Variants in PLXDC1 observed in about 807,000 individuals in gnomAD.
The protein encoded by PLXDC1 is plexin domain containing 1.
A neutral mutation model predicts 61.3 loss-of-function variants in PLXDC1; 39 were observed. The observed-to-expected ratio is 0.64, with a 90% CI of 0.49 to 0.83. PLXDC1 has a LOEUF of 0.83. Among genes scored for constraint, PLXDC1 ranks in the 40% least tolerant of loss-of-function variants. The pLI is 0.00. For missense variants in PLXDC1, 596 were observed against 666.5 expected (o/e 0.89, Z 1.17); for synonymous variants, 212 against 254.5 (o/e 0.83, Z 1.59).
intron 2 of PLXDC1, among the ~76,000 whole-genome samples, chr17:39,113,426 C>G (rs991343439): frequency 6.6e-6 from 1 of 152,164 alleles, no homozygotes; most frequent in Non-Finnish European, 1.5e-5. Flanking sequence ...TTGGGACAAC[C>G]TGAAATTGTT....
Position 39,063,334 on chromosome 17 carries a change from T to G in PLXDC1, c.*4506A>C. On this transcript the variant is annotated 3_prime_UTR_variant, in exon 14 of 14. Coordinates refer to ENST00000315392, the MANE Select transcript of PLXDC1 (RefSeq NM_020405.5). ...CATAGACTTTCTCAGATTTATTGTA[T>G]GTCCTCAGACAGTAGATAAAAATGC... The G allele has an allele frequency of 1.7e-6, 1 of 599,158 alleles. No individual in the cohort carries two copies. The highest frequency in any genetic ancestry group is 2.0e-5 in the South Asian group (1 of 49,854). 37.1% of individuals were successfully genotyped at this position (599,158 alleles called of 1,614,324 possible).
At chr17:39,104,352 C>A (rs529577920) in intron 7 of PLXDC1, among the ~76,000 whole-genome samples, 19 of 152,184 alleles carry the variant, frequency 1.2e-4, no homozygotes, top group Admixed American at 2.6e-4. Flanking sequence ...GAGCTGAGCC[C>A]CTAACACTCC....
intron 2 of PLXDC1, among the ~76,000 whole-genome samples, chr17:39,122,584 A>G (rs765310797): frequency 4.6e-5 from 7 of 152,066 alleles, no homozygotes; most frequent in Non-Finnish European, 1.0e-4. Context: ...TATAATCCAT[A>G]TTGATGTGCC....
intron 7 of PLXDC1, among the ~76,000 whole-genome samples, chr17:39,103,046 C>T (rs1178974356): frequency 2.6e-5 from 4 of 152,098 alleles, no homozygotes. Flanking sequence ...GAAACCCCAT[C>T]TCTACTAAAA....
At chr17:39,150,282 C>G (rs1174500831) in intron 1 of PLXDC1, among the ~76,000 whole-genome samples, 1 of 152,068 alleles carries the variant, frequency 6.6e-6, no homozygotes, top group Non-Finnish European at 1.5e-5. Flanking sequence ...TCAATAGGGA[C>G]CCAGGTCTGT....
intron 2 of PLXDC1, among the ~76,000 whole-genome samples, chr17:39,128,097 G>GTGTGTGTGTATATATATATATATATA (rs1911379292): frequency 1.5e-5 from 1 of 67,478 alleles, no homozygotes; most frequent in Non-Finnish European, 2.7e-5. Context: ...CTCTCTATGT[G>GTGTGTGTGTATATATATATATATATA]TATATATATA....
intron 1 of PLXDC1, among the ~76,000 whole-genome samples, chr17:39,143,150 T>C (rs1447349398): frequency 6.6e-6 from 1 of 152,088 alleles, no homozygotes; most frequent in African/African-American, 2.4e-5. Context: ...AATAAATAAA[T>C]AAACAACACA....
intron 2 of PLXDC1, among the ~76,000 whole-genome samples, chr17:39,115,162 T>G (rs16492): frequency 0.085 from 12,950 of 152,304 alleles, 698 homozygotes; most frequent in Middle Eastern, 0.2. Flanking sequence ...CTGGACTCAT[T>G]CTTGGAGTTC....
chr17:39,112,771 G>A (rs550066688), intron 2 of PLXDC1, among the ~76,000 whole-genome samples: 7 of 152,214 alleles, frequency 4.6e-5, no homozygotes, highest in Admixed American at 1.3e-4. Context: ...TAGGGGGACT[G>A]GTGCTTTGCA....
chr17:39,088,965 G>C (rs199941976), intron 7 of PLXDC1, among the ~76,000 whole-genome samples: 1 of 85,718 alleles, frequency 1.2e-5, no homozygotes, highest in African/African-American at 3.7e-5. Context: ...AAAAAAAAAA[G>C]AGAGAGAGAG....
chr17:39,103,012 T>C (rs4461103), intron 7 of PLXDC1, among the ~76,000 whole-genome samples: 104,199 of 152,034 alleles, frequency 0.69, 35,831 homozygotes, highest in Non-Finnish European at 0.71. Flanking sequence ...GTCAGGAGAT[T>C]GAGACCATCC....
chr17:39,089,743 C>G (rs780514157), intron 7 of PLXDC1, among the ~76,000 whole-genome samples: 4 of 152,164 alleles, frequency 2.6e-5, no homozygotes, highest in Non-Finnish European at 4.4e-5. Flanking sequence ...ACCCCCACAT[C>G]CCCTCCTATG....
At chr17:39,089,663 A>G (rs1909874670) in intron 7 of PLXDC1, among the ~76,000 whole-genome samples, 1 of 152,180 alleles carries the variant, frequency 6.6e-6, no homozygotes, top group Non-Finnish European at 1.5e-5. Flanking sequence ...AAAATTTCCC[A>G]AGGTGGCAGA....
intron 1 of PLXDC1, among the ~76,000 whole-genome samples, chr17:39,142,216 G>T (rs1176891170): frequency 6.6e-6 from 1 of 152,114 alleles, no homozygotes; most frequent in Non-Finnish European, 1.5e-5. Context: ...TTGAGGGAGG[G>T]GTAATTTTTT....
intron 2 of PLXDC1, among the ~76,000 whole-genome samples, chr17:39,119,878 C>A (rs1911103643): frequency 6.6e-6 from 1 of 151,856 alleles, no homozygotes; most frequent in Non-Finnish European, 1.5e-5. Context: ...AATCCTAAGT[C>A]CCCCAACCAA....
Position 39,072,457 on chromosome 17 carries a change from T to G in PLXDC1, c.1215A>C (p.Gly405=). ...EDDTKLNPYA[G]GDGLQNNLSP... ...AGGCAGTTCTGTACTCACCGTCTCC[T>G]CCTGCATAGGGATTCAACTTGGTGT... Residue 405 remains glycine, a synonymous_variant, in exon 12 of 14, where the codon GGA becomes GGC. Coordinates refer to ENST00000315392, the MANE Select transcript of PLXDC1 (RefSeq NM_020405.5). 1.3e-6 allele frequency: 2 copies of G among 1,554,938 alleles called. No individual in the cohort carries two copies. Among genetic ancestry groups the G allele is most frequent in the Non-Finnish European group, 1.7e-6 (2 of 1,146,072 alleles).
chr17:39,121,667 C>G (rs1296520840), intron 2 of PLXDC1, among the ~76,000 whole-genome samples: 1 of 152,218 alleles, frequency 6.6e-6, no homozygotes, highest in African/African-American at 2.4e-5. Context: ...AATAACCACT[C>G]TCTCCTTCTT....
intron 1 of PLXDC1, chr17:39,144,735 C>CGTT: frequency 6.6e-6 from 1 of 152,386 alleles, no homozygotes; most frequent in East Asian, 1.9e-4. Context: ...TCCCTGGACC[C>CGTT]GTTCCCCGCC....
chr17:39,129,785 GA>G (rs1356305774), intron 2 of PLXDC1, among the ~76,000 whole-genome samples: 9 of 148,648 alleles, frequency 6.1e-5, no homozygotes, highest in Non-Finnish European at 1.0e-4. Context: ...GAAAAAGAAA[GA>G]AAGAGAAAGA....
Sources: gnomAD v4.1 joint callset for allele counts (sites outside exome capture counted in the v4.1 genomes callset) on GRCh38, gnomAD v4.1.1 for gene constraint, MANE v1.5 for transcripts, NCBI Gene and HGNC (gene_info 2026-07-23, HGNC 2026-07-21) for gene names.